Variants in ZSCAN18 observed in about 807,000 individuals in gnomAD.
ZSCAN18 encodes zinc finger and SCAN domain containing 18.
A neutral mutation model predicts 31.1 loss-of-function variants in ZSCAN18; 16 were observed. The ratio of observed to expected loss-of-function variants is 0.51; its 90% CI spans 0.35 to 0.78. ZSCAN18 has a LOEUF of 0.78. Ranked by LOEUF, ZSCAN18 falls within the 30% of genes least tolerant of loss-of-function variation. The pLI, the probability that ZSCAN18 is intolerant of heterozygous loss-of-function variation, is 0.01. For synonymous variants in ZSCAN18, 375 were observed against 320.7 expected (o/e 1.17, Z -1.81); for missense variants, 731 against 697.4 (o/e 1.05, Z -0.54).
At chr19:58,089,302 C>CAAAAA (rs374086957) in intron 2 of ZSCAN18, among the ~76,000 whole-genome samples, 1 of 45,292 alleles carries the variant, frequency 2.2e-5, no homozygotes. Flanking sequence ...GACTCCGTCT[C>CAAAAA]AAAAAAAAAA....
intron 2 of ZSCAN18, 104 bp downstream of exon 2, chr19:58,089,761 G>T: frequency 2.2e-6 from 3 of 1,393,320 alleles, no homozygotes; most frequent in African/African-American, 2.9e-5. Flanking sequence ...CCTCAGCAGT[G>T]TGGGGAACTT....
intron 2 of ZSCAN18, among the ~76,000 whole-genome samples, chr19:58,089,585 C>T (rs2030431737): frequency 1.3e-5 from 2 of 152,186 alleles, no homozygotes; most frequent in African/African-American, 4.8e-5. Flanking sequence ...GAGATTGCGC[C>T]ACTGCGCTCC....
chr19:58,091,282 A>C (rs1455556661), intron 1 of ZSCAN18, among the ~76,000 whole-genome samples: 1 of 151,530 alleles, frequency 6.6e-6, no homozygotes, highest in African/African-American at 2.4e-5. Context: ...AAAAAAAAAA[A>C]AGATAGATTA....
chr19:58,114,942 T>TA (rs1313766550), intron 1 of ZSCAN18, among the ~76,000 whole-genome samples: 5 of 152,188 alleles, frequency 3.3e-5, no homozygotes, highest in Non-Finnish European at 7.3e-5. Context: ...GAGACGGTTG[T>TA]AAGTGTTCAA....
Position 58,084,641 on chromosome 19 carries a change from A to T in ZSCAN18, c.*44T>A. On this transcript the variant is annotated 3_prime_UTR_variant, in exon 7 of 7. Coordinates refer to ENST00000601144, the MANE Select transcript of ZSCAN18 (RefSeq NM_001145543.2). This position sits in a 1 kb window ranked among gnomAD's most constrained non-coding sequence, Gnocchi z 4.5. ...AGGCCCAATGCCTCGTCTGGGATTC[A>T]CGGCCGGCAAAGCGGCCCCTCCGGA... 1 of 1,428,544 alleles carries T rather than the reference A, an allele frequency of 7.0e-7. No homozygotes were observed. Among genetic ancestry groups the T allele is most frequent in the Non-Finnish European group, 9.1e-7 (1 of 1,094,586 alleles). 88.5% of individuals were successfully genotyped at this position (1,428,544 alleles called of 1,614,324 possible).
chr19:58,094,250 A>AAT (rs1555801561), intron 1 of ZSCAN18, among the ~76,000 whole-genome samples: 85 of 151,510 alleles, frequency 5.6e-4, no homozygotes, highest in Admixed American at 1.4e-3. Context: ...ACAAAAAAAA[A>AAT]AATAATAATA....
intron 1 of ZSCAN18, among the ~76,000 whole-genome samples, chr19:58,104,676 C>G (rs1369294844): frequency 6.6e-6 from 1 of 151,144 alleles, no homozygotes; most frequent in Non-Finnish European, 1.5e-5. Flanking sequence ...GCACACTAGC[C>G]TAGGCAAAAG....
upstream of ZSCAN18, among the ~76,000 whole-genome samples, chr19:58,100,107 C>A (rs150380194): frequency 6.6e-6 from 1 of 150,576 alleles, no homozygotes; most frequent in Non-Finnish European, 1.5e-5. Context: ...TACAGGTGTG[C>A]GCTACCATAC....
At chr19:58,088,277 C>A in intron 3 of ZSCAN18, 1 of 160,090 alleles carries the variant, frequency 6.2e-6, no homozygotes, top group Admixed American at 6.1e-5. Flanking sequence ...GGGGACCCAC[C>A]CCTCGAACAG....
chr19:58,097,822 T>A, intron 1 of ZSCAN18: 1 of 194,106 alleles, frequency 5.2e-6, no homozygotes, highest in Non-Finnish European at 7.5e-6. Flanking sequence ...CCCTCCCTCA[T>A]CTCTCCCCCA....
rs1210943474 is a variant in ZSCAN18, at chr19:58,098,210, C to A, written c.-156G>T. ...CTACCCCAGGCCGGTCCCAGCCGCC[C>A]GGAGCCCCAGTGCGCGATGGCGGCC... On this transcript the variant is annotated 5_prime_UTR_variant, in exon 1 of 7. Coordinates refer to ENST00000601144, the MANE Select transcript of ZSCAN18 (RefSeq NM_001145543.2). The A allele has an allele frequency of 2.0e-6, 2 of 985,412 alleles. No individual in the cohort carries two copies. The highest frequency in any genetic ancestry group is 2.4e-6 in the Non-Finnish European group (2 of 830,018). 61.0% of individuals were successfully genotyped at this position (985,412 alleles called of 1,614,324 possible).
intron 3 of ZSCAN18, 98 bp from the exon 4 acceptor site, chr19:58,087,502 G>C (rs1481932434): frequency 9.7e-7 from 1 of 1,026,858 alleles, no homozygotes; most frequent in African/African-American, 1.6e-5. Flanking sequence ...ACAGGCCCCA[G>C]TGTGCTTCTG....
chr19:58,101,405 T>C (rs1034689297), upstream of ZSCAN18, among the ~76,000 whole-genome samples: 48 of 149,498 alleles, frequency 3.2e-4, no homozygotes, highest in African/African-American at 1.2e-3. Context: ...CGCCTTGGCC[T>C]CCCAAAGTGC....
intron 5 of ZSCAN18, 176 bp from the exon 6 acceptor site, chr19:58,086,442 C>G (rs1370492539): frequency 1.9e-6 from 1 of 531,136 alleles, no homozygotes; most frequent in Non-Finnish European, 3.3e-6. Context: ...AAGAAGAAGG[C>G]GAGGCTGGAA....
rs1430689737 is a variant in ZSCAN18, at chr19:58,084,590, G to A, written c.*95C>T. The A allele has an allele frequency of 1.1e-5, 14 of 1,257,080 alleles. No homozygotes were observed. The East Asian group carries it at 1.9e-4, about 17-fold the overall frequency. The allele number at this position is 1,257,080 out of a possible 1,614,324, so 77.9% of individuals were successfully genotyped here. On this transcript the variant is annotated 3_prime_UTR_variant, in exon 7 of 7. Coordinates refer to ENST00000601144, the MANE Select transcript of ZSCAN18 (RefSeq NM_001145543.2). This position sits in a 1 kb window ranked among gnomAD's most constrained non-coding sequence, Gnocchi z 4.5. Reference sequence around the variant, plus strand: ...GCAGAGGACGTCCACAAACACCACAGGAAGCCGCCACCCAGGGGCGTGGAA... The same window carrying A: ...GCAGAGGACGTCCACAAACACCACAAGAAGCCGCCACCCAGGGGCGTGGAA...
chr19:58,112,724 CA>C (rs1232731820), intron 1 of ZSCAN18, among the ~76,000 whole-genome samples: 2 of 151,608 alleles, frequency 1.3e-5, no homozygotes, highest in African/African-American at 4.8e-5. Flanking sequence ...CCGAGGGGGG[CA>C]GATCACCTGA....
chr19:58,102,726 T>C (rs1377900761), upstream of ZSCAN18, among the ~76,000 whole-genome samples: 1 of 151,990 alleles, frequency 6.6e-6, no homozygotes, highest in African/African-American at 2.4e-5. Flanking sequence ...GAGAGTTGTA[T>C]TTCTCCTCAA....
At chr19:58,113,328 G>A (rs2074703220) in intron 1 of ZSCAN18, among the ~76,000 whole-genome samples, 1 of 151,036 alleles carries the variant, frequency 6.6e-6, no homozygotes, top group Non-Finnish European at 1.5e-5. Context: ...AAAAAAAAAA[G>A]GCGGGGCAGA....
intron 1 of ZSCAN18, among the ~76,000 whole-genome samples, chr19:58,109,532 G>A (rs2146025178): frequency 6.6e-6 from 1 of 152,266 alleles, no homozygotes; most frequent in Non-Finnish European, 1.5e-5. Context: ...CTATCCAAAT[G>A]TCACCAACTG....
Sources: allele counts gnomAD v4.1 joint callset (sites outside exome capture counted in the v4.1 genomes callset), GRCh38; gene constraint gnomAD v4.1.1; non-coding constraint Gnocchi (gnomAD v3.1); transcripts MANE v1.5; gene names NCBI Gene and HGNC (gene_info 2026-07-23, HGNC 2026-07-21).